Variants in CCDC40 observed in about 807,000 individuals in gnomAD.
CCDC40 encodes the protein coiled-coil domain 40 molecular ruler complex subunit.
Under a neutral mutation model 124.5 loss-of-function variants are expected in CCDC40, and 104 were observed. That is an observed-to-expected ratio of 0.84 (90% CI 0.71 to 0.98). The LOEUF (loss-of-function observed/expected upper bound fraction) is 0.98, where lower values mean the gene tolerates loss of function less well. Ranked by LOEUF, CCDC40 falls within the 50% of genes least tolerant of loss-of-function variation. The pLI is 0.00. For missense variants in CCDC40, 1,463 were observed against 1,503.9 expected (o/e 0.97, Z 0.45); for synonymous variants, 580 against 602.9 (o/e 0.96, Z 0.56).
Position 80,090,238 on chromosome 17 carries a change from C to T in CCDC40, c.2832+354C>T, listed in dbSNP as rs1235500684. ...GAAGAACACGGGACGCGCGCAGGCA[C>T]GTGCACGAACAACACGGGACGCGCG... On this transcript the variant is annotated intron_variant, in intron 17 of 19. Transcript: ENST00000397545. 7 of 879,708 alleles carry T rather than the reference C, an allele frequency of 8.0e-6. 1 individual carries two copies. The highest frequency in any genetic ancestry group is 3.1e-5 in the East Asian group (1 of 32,466). 54.5% of individuals were successfully genotyped at this position (879,708 alleles called of 1,614,324 possible). A position where few individuals can be genotyped will look rare whatever the true frequency, so the allele number is the denominator to read the frequency against.
rs78323211 is a variant in CCDC40, at chr17:80,058,782, T to C, written c.1318-76T>C. 4.6e-3 allele frequency: 7,460 copies of C among 1,611,214 alleles called. 325 individuals carry two copies. The African/African-American group carries it at 0.088, about 19-fold the overall frequency. On this transcript the variant is annotated intron_variant, in intron 8 of 19. Transcript: ENST00000397545. The surrounding 1 kb of genome is among the most constrained non-coding windows in gnomAD (Gnocchi z 4.2). ...GGCCGGCCTGGGTGGCGTCAACTTG[T>C]ATCAAGGGTTGGTGGAGAACAGGCC...
At chr17:80,038,610 A>T (rs1369419399) in intron 2 of CCDC40, among the ~76,000 whole-genome samples, 1 of 152,016 alleles carries the variant, frequency 6.6e-6, no homozygotes, top group African/African-American at 2.4e-5. Flanking sequence ...GCAGATCACG[A>T]GGTCAAAAGA....
At chr17:80,049,878 A>G (rs768369340) in intron 5 of CCDC40, 28 bp from the exon 6 acceptor site, 1 of 1,599,732 alleles carries the variant, frequency 6.3e-7, no homozygotes, top group Non-Finnish European at 8.6e-7. Flanking sequence ...CCAGAAAGGT[A>G]ACCACCTGTG....
chr17:80,061,906 C>A (rs1458790521), intron 9 of CCDC40, among the ~76,000 whole-genome samples: 1 of 151,968 alleles, frequency 6.6e-6, no homozygotes, highest in Non-Finnish European at 1.5e-5. Flanking sequence ...AGACTCCATT[C>A]CAAGGAACCT....
chr17:80,048,719 A>G lies in CCDC40; in HGVS notation c.813A>G (p.Ala271=). Reference sequence around the variant, plus strand: ...AGTCCGAGGGGAGTGACGAGGAAGCAGAAGACGAAGGGTCCCAGCTGGTGG... The same window carrying G: ...AGTCCGAGGGGAGTGACGAGGAAGCGGAAGACGAAGGGTCCCAGCTGGTGG... ...RVESEGSDEE[A]EDEGSQLVVL... The change falls in exon 5 of 20, where the codon GCA becomes GCG. Residue 271 remains alanine (A), a synonymous_variant. Coordinates refer to ENST00000397545, the MANE Select transcript of CCDC40 (RefSeq NM_017950.4). The G allele has an allele frequency of 6.2e-7, 1 of 1,613,708 alleles. No homozygotes were observed. Among genetic ancestry groups the G allele is most frequent in the African/African-American group, 1.3e-5 (1 of 75,052 alleles).
intron 9 of CCDC40, among the ~76,000 whole-genome samples, chr17:80,061,869 C>T (rs1467316183): frequency 6.6e-6 from 1 of 152,112 alleles, no homozygotes; most frequent in Admixed American, 6.6e-5. Context: ...CTAACCCTAA[C>T]CCTAACCCCG....
intron 2 of CCDC40, among the ~76,000 whole-genome samples, chr17:80,039,416 A>ATT (rs112917601): frequency 6.9e-5 from 10 of 144,504 alleles, no homozygotes; most frequent in African/African-American, 2.0e-4. Flanking sequence ...ATGAAACATG[A>ATT]TTTTTTTTTT....
chr17:80,081,479 C>G lies in CCDC40; in HGVS notation c.1563-67C>G, dbSNP rs2038447257. On this transcript the variant is annotated intron_variant, in intron 10 of 19. Transcript: ENST00000397545. Reference sequence around the variant, plus strand: ...CCTTAGTGAGCTCCCTCGTGTGGGGCGCAGCTCTGTGCACTGGCTCTCTGA... The same window carrying G: ...CCTTAGTGAGCTCCCTCGTGTGGGGGGCAGCTCTGTGCACTGGCTCTCTGA... 6.9e-6 allele frequency: 11 copies of G among 1,604,368 alleles called. No homozygotes were observed. In the South Asian group the frequency reaches 1.2e-4, roughly 18 times the overall value.
At position 80,087,928 on chromosome 17, in the gene CCDC40, G is replaced by T. The variant is rs1017385926; in HGVS notation, c.2620-83G>T. ...AAATCCAGCCTGCAGCCCTGCCCTCGGTGCCGGGATAGAGGGCACCAGCCC... is the reference window on the plus strand; with the variant it reads ...AAATCCAGCCTGCAGCCCTGCCCTCTGTGCCGGGATAGAGGGCACCAGCCC... On this transcript the variant is annotated intron_variant, in intron 15 of 19. Transcript: ENST00000397545. This position sits in a 1 kb window ranked among gnomAD's most constrained non-coding sequence, Gnocchi z 4.5. 1.5e-6 allele frequency: 2 copies of T among 1,302,858 alleles called. No individual in the cohort carries two copies. The highest frequency in any genetic ancestry group is 1.1e-6 in the Non-Finnish European group (1 of 897,476). The allele number at this position is 1,302,858 out of a possible 1,614,324, so 80.7% of individuals were successfully genotyped here.
At chr17:80,097,145 G>A (rs1310455091) in intron 18 of CCDC40, 100 bp from the exon 19 acceptor site, 3 of 1,263,476 alleles carry the variant, frequency 2.4e-6, no homozygotes, top group Admixed American at 1.7e-5. Context: ...CCTGGATGGA[G>A]TGTGTGGAAG....
rs1598508258 is a variant in CCDC40, at chr17:80,064,419, A to C, written c.1441-1066A>C. Among the ~76,000 whole-genome samples, 4 of 152,216 alleles carry C rather than the reference A, an allele frequency of 2.6e-5. 1 individual carries two copies. The highest frequency in any genetic ancestry group is 2.6e-4 in the Admixed American group (4 of 15,306). On this transcript the variant is annotated intron_variant, in intron 9 of 19. Coordinates refer to ENST00000397545, the MANE Select transcript of CCDC40 (RefSeq NM_017950.4). ...TGGGGATGACTCATCAAGAATCCCA[A>C]ACACCACTCAAAACAAGACCGCGAT...
intron 10 of CCDC40, among the ~76,000 whole-genome samples, chr17:80,069,189 G>A (rs1010054249): frequency 4.0e-5 from 6 of 151,834 alleles, no homozygotes; most frequent in Non-Finnish European, 7.4e-5. Context: ...TTCGTCTGAT[G>A]TCGAGTCTAC....
chr17:80,077,171 G>A (rs2038329745), intron 10 of CCDC40, among the ~76,000 whole-genome samples: 1 of 152,156 alleles, frequency 6.6e-6, no homozygotes, highest in Admixed American at 6.6e-5. Context: ...CTTAATTGCG[G>A]TGGCCTGCAA....
chr17:80,060,169 T>G (rs910436705), intron 9 of CCDC40, among the ~76,000 whole-genome samples: 12 of 152,138 alleles, frequency 7.9e-5, no homozygotes, highest in Non-Finnish European at 1.2e-4. Flanking sequence ...CAAGGGACTT[T>G]CCATGCTAAG....
intron 9 of CCDC40, among the ~76,000 whole-genome samples, chr17:80,063,747 G>A (rs922302940): frequency 2.1e-4 from 32 of 152,166 alleles, no homozygotes; most frequent in African/African-American, 5.3e-4. Flanking sequence ...TGATCCGTCC[G>A]CCTTGACCTC....
chr17:80,066,365 T>C lies in CCDC40; in HGVS notation c.1562+759T>C. On this transcript the variant is annotated intron_variant, in intron 10 of 19. Coordinates refer to ENST00000397545, the MANE Select transcript of CCDC40 (RefSeq NM_017950.4). This position sits in a 1 kb window ranked among gnomAD's most constrained non-coding sequence, Gnocchi z 4.4. Reference sequence around the variant, plus strand: ...CAGTCACACAACCAGGAGATGCTTTTCCTTTTGGGTGCTGTGATTAAAGAA... The same window carrying C: ...CAGTCACACAACCAGGAGATGCTTTCCCTTTTGGGTGCTGTGATTAAAGAA... The C allele has an allele frequency of 1.7e-6, 1 of 572,984 alleles. No individual in the cohort carries two copies. The highest frequency in any genetic ancestry group is 3.1e-6 in the Non-Finnish European group (1 of 321,422). The allele number at this position is 572,984 out of a possible 1,614,324, so 35.5% of individuals were successfully genotyped here. A position where few individuals can be genotyped will look rare whatever the true frequency, so the allele number is the denominator to read the frequency against.
chr17:80,094,368 T>G (rs2038769779), intron 17 of CCDC40, among the ~76,000 whole-genome samples: 1 of 151,716 alleles, frequency 6.6e-6, no homozygotes, highest in African/African-American at 2.4e-5. Context: ...GACGAGATTG[T>G]GCCATCGCAC....
intron 10 of CCDC40, among the ~76,000 whole-genome samples, chr17:80,078,758 T>C (rs1674377079): frequency 6.6e-6 from 1 of 152,192 alleles, no homozygotes; most frequent in Admixed American, 6.5e-5. Context: ...CTCTAGGTCC[T>C]TTAGGTTTCC....
intron 10 of CCDC40, among the ~76,000 whole-genome samples, chr17:80,080,733 T>A (rs1287465281): frequency 1.3e-5 from 2 of 152,196 alleles, no homozygotes; most frequent in African/African-American, 4.8e-5. Context: ...ACAAAAGAGT[T>A]GTCAACTTGG....
Sources: allele counts gnomAD v4.1 joint callset (sites outside exome capture counted in the v4.1 genomes callset), GRCh38; gene constraint gnomAD v4.1.1; non-coding constraint Gnocchi (gnomAD v3.1); transcripts MANE v1.5; gene names NCBI Gene and HGNC (gene_info 2026-07-23, HGNC 2026-07-21).